The following KANSL1L variants were observed in gnomAD, a reference collection of about 807,000 sequenced individuals.
KANSL1L encodes KAT8 regulatory NSL complex subunit 1 like.
In KANSL1L, 25 loss-of-function variants were observed where a neutral mutation model predicts 108.6. The observed-to-expected ratio is 0.23, with a 90% CI of 0.17 to 0.32. The LOEUF is 0.32. KANSL1L is among the 10% of genes least tolerant of loss of function. KANSL1L has a pLI of 1.00. For missense variants in KANSL1L, 1,137 were observed against 1,125.7 expected (o/e 1.01, Z -0.14); for synonymous variants, 405 against 395.1 (o/e 1.03, Z -0.30).
At chr2:210,087,894 T>TA (rs1439661008) in intron 5 of KANSL1L, among the ~76,000 whole-genome samples, 2 of 152,212 alleles carry the variant, frequency 1.3e-5, no homozygotes, top group Non-Finnish European at 2.9e-5. Context: ...TCCAAAGTAA[T>TA]ATTCTTAACA....
chr2:210,103,264 C>T (rs1478040878), intron 4 of KANSL1L, among the ~76,000 whole-genome samples: 1 of 141,432 alleles, frequency 7.1e-6, no homozygotes, highest in African/African-American at 2.6e-5. Flanking sequence ...GGGAAATGAA[C>T]AATGAGAAGA....
At chr2:210,059,018 G>A (rs757902493) in intron 6 of KANSL1L, among the ~76,000 whole-genome samples, 5 of 151,556 alleles carry the variant, frequency 3.3e-5, no homozygotes, top group Admixed American at 6.6e-5. Flanking sequence ...ATGAAATATC[G>A]GGGGTGAATT....
intron 5 of KANSL1L, among the ~76,000 whole-genome samples, chr2:210,077,749 T>G (rs988793859): frequency 6.6e-6 from 1 of 152,208 alleles, no homozygotes; most frequent in Non-Finnish European, 1.5e-5. Context: ...TAACTAACTT[T>G]TACCACTATT....
Position 210,116,577 on chromosome 2 carries a change from G to C in KANSL1L, c.1231-12276C>G, listed in dbSNP as rs532686712. Among the ~76,000 whole-genome samples, 4 of 152,252 alleles carry C rather than the reference G, an allele frequency of 2.6e-5. No individual in the cohort carries two copies. The East Asian group carries it at 7.7e-4, about 29-fold the overall frequency. ...TGTGTTTCCCTGGGGGAAAGTAAGG[G>C]AAGAGAACAGGAGTCTCTGACTGGT... On this transcript the variant is annotated intron_variant, in intron 3 of 14. Transcript: ENST00000281772.
chr2:210,040,378 TA>T (rs1465723944), intron 8 of KANSL1L, 41 bp downstream of exon 8: 3 of 897,476 alleles, frequency 3.3e-6, no homozygotes, highest in Non-Finnish European at 5.5e-6. Flanking sequence ...TATAAAGACA[TA>T]AAAAGGCATA....
intron 2 of KANSL1L, among the ~76,000 whole-genome samples, chr2:210,130,050 T>C (rs950159821): frequency 6.7e-6 from 1 of 149,162 alleles, no homozygotes; most frequent in African/African-American, 2.4e-5. Context: ...AATGACTTAA[T>C]GACAACATGT....
intron 6 of KANSL1L, among the ~76,000 whole-genome samples, chr2:210,045,180 T>G (rs1416224658): frequency 6.6e-6 from 1 of 152,222 alleles, no homozygotes; most frequent in African/African-American, 2.4e-5. Context: ...ACTGGACTTG[T>G]TCACTTTCTA....
chr2:210,097,244 A>T (rs2094745819), intron 5 of KANSL1L: 1 of 970,780 alleles, frequency 1.0e-6, no homozygotes, highest in African/African-American at 1.8e-5. Flanking sequence ...TTCACAAAGA[A>T]TTTGATGGCT....
At chr2:210,031,297 C>T in intron 9 of KANSL1L, 124 bp downstream of exon 9, 1 of 651,418 alleles carries the variant, frequency 1.5e-6, no homozygotes, top group Non-Finnish European at 2.6e-6. Flanking sequence ...TTTGTAGACT[C>T]ATAGATGTTT....
At chr2:210,076,737 GGAT>G (rs1465029840) in intron 5 of KANSL1L, among the ~76,000 whole-genome samples, 6 of 151,436 alleles carry the variant, frequency 4.0e-5, no homozygotes, top group Admixed American at 1.3e-4. Context: ...AACATCAGGA[GGAT>G]GATAACCCTC....
At position 210,021,425 on chromosome 2, in the gene KANSL1L, A is replaced by G. The variant is rs973638055; in HGVS notation, c.*1524T>C. ...TTTAATAACAAGCAACACACGGCAT[A>G]TAGAAATAACTTTAATTAAAAAACT... On this transcript the variant is annotated 3_prime_UTR_variant, in exon 15 of 15. Coordinates refer to ENST00000281772, the MANE Select transcript of KANSL1L (RefSeq NM_152519.4). 1 of 152,598 alleles carries G rather than the reference A, an allele frequency of 6.6e-6. No homozygotes were observed. The highest frequency in any genetic ancestry group is 2.4e-5 in the African/African-American group (1 of 41,458). 9.5% of individuals were successfully genotyped at this position (152,598 alleles called of 1,614,324 possible). A position where few individuals can be genotyped will look rare whatever the true frequency, so the allele number is the denominator to read the frequency against.
At chr2:210,075,878 T>G in intron 5 of KANSL1L, 122 bp from the exon 6 acceptor site, 1 of 681,546 alleles carries the variant, frequency 1.5e-6, no homozygotes, top group Non-Finnish European at 2.4e-6. Flanking sequence ...AGTATTAATT[T>G]TAACCAATTT....
intron 3 of KANSL1L, among the ~76,000 whole-genome samples, chr2:210,112,030 A>G (rs940177453): frequency 1.3e-5 from 2 of 152,212 alleles, no homozygotes; most frequent in African/African-American, 4.8e-5. Flanking sequence ...GATGGTTTCC[A>G]GCTTCATCCA....
chr2:210,108,658 CAA>C (rs1559562822), intron 3 of KANSL1L, among the ~76,000 whole-genome samples: 1 of 150,708 alleles, frequency 6.6e-6, no homozygotes, highest in South Asian at 2.2e-4. Flanking sequence ...GGAAAATGAT[CAA>C]AGAGGAGAGA....
intron 8 of KANSL1L, among the ~76,000 whole-genome samples, chr2:210,038,387 CA>C (rs1368327968): frequency 6.6e-6 from 1 of 151,960 alleles, no homozygotes; most frequent in Non-Finnish European, 1.5e-5. Context: ...CAGAGCTCCT[CA>C]AAAGGCTTGT....
At chr2:210,053,827 C>G (rs985033834) in intron 6 of KANSL1L, among the ~76,000 whole-genome samples, 1 of 151,546 alleles carries the variant, frequency 6.6e-6, no homozygotes, top group Non-Finnish European at 1.5e-5. Flanking sequence ...ATGTATATAT[C>G]AGAAAAAATG....
chr2:210,055,226 C>T (rs2094337715), intron 6 of KANSL1L, among the ~76,000 whole-genome samples: 2 of 152,228 alleles, frequency 1.3e-5, no homozygotes, highest in African/African-American at 2.4e-5. Context: ...GTTTGCTTCC[C>T]CTTCTTCCAT....
intron 2 of KANSL1L, 87 bp downstream of exon 2, chr2:210,153,408 T>A (rs2095315629): frequency 1.4e-5 from 14 of 998,496 alleles, no homozygotes; most frequent in Non-Finnish European, 1.8e-5. Context: ...TTTTAGAAAA[T>A]CTATTTCTTG....
intron 8 of KANSL1L, among the ~76,000 whole-genome samples, chr2:210,034,665 T>G (rs2094075678): frequency 6.6e-6 from 1 of 152,228 alleles, no homozygotes. Context: ...AGAGATCATG[T>G]TGGACTGTGA....
Sources: gnomAD v4.1 joint callset for allele counts (sites outside exome capture counted in the v4.1 genomes callset) on GRCh38, gnomAD v4.1.1 for gene constraint, MANE v1.5 for transcripts, NCBI Gene and HGNC (gene_info 2026-07-23, HGNC 2026-07-21) for gene names.